R3HDM4: variants seen among roughly 807,000 people sequenced by gnomAD.
R3HDM4 encodes R3H domain containing 4.
R3HDM4 carries 30 observed loss-of-function variants against 31.3 expected under a neutral mutation model. That is an observed-to-expected ratio of 0.96 (90% confidence interval 0.72 to 1.30). The LOEUF is 1.30. R3HDM4 is among the 50% of genes most tolerant of loss of function. The probability of loss-of-function intolerance (pLI) is 0.00; values close to 1 mark genes in which losing one functional copy is unlikely to be tolerated. For missense variants in R3HDM4, 444 were observed against 366.1 expected, an observed-to-expected ratio of 1.21 and a Z score of -1.74; for synonymous variants, 196 against 156.6, an observed-to-expected ratio of 1.25 and a Z score of -1.88.
intron 7 of R3HDM4, among the ~76,000 whole-genome samples, chr19:898,212 T>A (rs2036766254): frequency 9.0e-6 from 1 of 110,906 alleles, no homozygotes. Flanking sequence ...TGAAACCCTG[T>A]CTCTACTAAA....
intron 7 of R3HDM4, among the ~76,000 whole-genome samples, chr19:898,895 G>C (rs1003264167): frequency 6.6e-6 from 1 of 152,168 alleles, no homozygotes; most frequent in African/African-American, 2.4e-5. Flanking sequence ...GCAACTCCAG[G>C]CGGGGCGGCA....
intron 1 of R3HDM4, among the ~76,000 whole-genome samples, chr19:910,610 A>G (rs1232906851): frequency 1.3e-5 from 2 of 151,452 alleles, no homozygotes; most frequent in East Asian, 1.9e-4. Flanking sequence ...CTAATATGAA[A>G]AACAAAAACA....
chr19:908,633 AT>A (rs1206259432), intron 1 of R3HDM4, among the ~76,000 whole-genome samples: 1 of 152,092 alleles, frequency 6.6e-6, no homozygotes, highest in Non-Finnish European at 1.5e-5. Flanking sequence ...AAAATAAAAA[AT>A]AAAAAAATCC....
At chr19:908,337 T>C (rs915525356) in intron 1 of R3HDM4, among the ~76,000 whole-genome samples, 1 of 151,446 alleles carries the variant, frequency 6.6e-6, no homozygotes, top group African/African-American at 2.4e-5. Flanking sequence ...CCGGGCGCAG[T>C]GGTTCACACT....
chr19:901,571 G>T, intron 2 of R3HDM4, 25 bp from the exon 3 acceptor site: 1 of 1,587,372 alleles, frequency 6.3e-7, no homozygotes. Context: ...ATGCTCTCTG[G>T]GCCGGGGTGG....
chr19:899,942 G>A lies in R3HDM4; in HGVS notation c.561+119C>T. ...ACTCAGGGCCCTGGTGCCGCTGTCT[G>A]TATCCTGCCCTGTTTCCCCTGACAC... On this transcript the variant is annotated intron_variant, in intron 5 of 7. Coordinates refer to ENST00000361574, the MANE Select transcript of R3HDM4 (RefSeq NM_138774.4). This position sits in a 1 kb window ranked among gnomAD's most constrained non-coding sequence, Gnocchi z 6.8. 9.1e-7 allele frequency: 1 copy of A among 1,103,238 alleles called. No individual in the cohort carries two copies. Among genetic ancestry groups the A allele is most frequent in the Non-Finnish European group, 1.4e-6 (1 of 738,156 alleles). 68.3% of individuals were successfully genotyped at this position (1,103,238 alleles called of 1,614,324 possible).
intron 1 of R3HDM4, 90 bp downstream of exon 1, chr19:912,997 A>ACGG: frequency 3.0e-6 from 1 of 328,428 alleles, no homozygotes; most frequent in Non-Finnish European, 4.1e-6. Flanking sequence ...AGGGAAGGGA[A>ACGG]AGGAGGGGAG....
At position 899,566 on chromosome 19, in the gene R3HDM4, TC is replaced by T; in HGVS notation, c.647+34del. 6.2e-7 allele frequency: 1 copy of T among 1,612,212 alleles called. No homozygotes were observed. The highest frequency in any genetic ancestry group is 8.5e-7 in the Non-Finnish European group (1 of 1,179,110). ...GGTGTCCGCCCACCTGGCCGCAGCC[TC>T]GGAGGGTCCGCTCGCCTGGCCGCCC... On this transcript the variant is annotated intron_variant, in intron 6 of 7. Coordinates refer to ENST00000361574, the MANE Select transcript of R3HDM4 (RefSeq NM_138774.4). The surrounding 1 kb of genome is among the most constrained non-coding windows in gnomAD (Gnocchi z 6.8).
At chr19:902,643 A>T (rs1439899058) in intron 1 of R3HDM4, 1 of 153,370 alleles carries the variant, frequency 6.5e-6, no homozygotes, top group Non-Finnish European at 1.5e-5. Flanking sequence ...TCCAAAAAAA[A>T]TAAAAAAAAT....
In R3HDM4 at chr19:902,093, G is replaced by A; in HGVS notation, c.109C>T (p.Gln37Ter). Residue 37 changes from glutamine (Q) to a stop codon, truncating the protein, a stop_gained, in exon 2 of 8, where the codon CAG (glutamine) becomes TAG (stop). Coordinates refer to ENST00000361574, the MANE Select transcript of R3HDM4 (RefSeq NM_138774.4). LOFTEE classifies it high-confidence loss of function. ...PSCLPALASS[Q>*]VKRLSASRRK... ...CTGGAAGCCGAGAGTCTCTTCACCT[G>A]GGAGCTGGCTAGGGCAGGCAGGCAG... 6.2e-7 allele frequency: 1 copy of A among 1,613,760 alleles called. No homozygotes were observed. Among genetic ancestry groups the A allele is most frequent in the Non-Finnish European group, 8.5e-7 (1 of 1,179,982 alleles).
intron 1 of R3HDM4, among the ~76,000 whole-genome samples, chr19:903,420 T>C (rs2036862190): frequency 6.7e-6 from 1 of 149,458 alleles, no homozygotes; most frequent in Non-Finnish European, 1.5e-5. Flanking sequence ...GTGGGGGGAA[T>C]AGGCAGCCGC....
Position 899,640 on chromosome 19 carries a change from A to T in R3HDM4, c.608T>A (p.Val203Glu). ...WEERLLRFFS[V>E]SPQAVYTAML... ...TGCTGTGTACACGGCCTGGGGGGAC[A>T]CGGAGAAGAACCGAAGCAGCCGCTC... is the stretch of plus-strand genomic sequence containing the variant. The change falls in exon 6 of 8, where the codon GTG becomes GAG. Residue 203 changes from valine (V) to glutamate (E), a missense_variant. Physicochemically the swap from Val to Glu is moderately radical, Grantham distance 121 (BLOSUM62 -2). Coordinates refer to ENST00000361574, the MANE Select transcript of R3HDM4 (RefSeq NM_138774.4). This position sits in a 1 kb window ranked among gnomAD's most constrained non-coding sequence, Gnocchi z 6.8. The T allele has an allele frequency of 6.2e-7, 1 of 1,606,906 alleles. No individual in the cohort carries two copies. The highest frequency in any genetic ancestry group is 1.1e-5 in the South Asian group (1 of 90,894).
In R3HDM4 at chr19:913,158, G is replaced by T. The variant is rs1462016372; in HGVS notation, c.-1C>A. ...ACTCGGGGTTCTCCAGCGCGACCAT[G>T]GCTCGCACGCTGTCGCCGCCGCCGC... is the stretch of plus-strand genomic sequence containing the variant. On this transcript the variant is annotated 5_prime_UTR_variant, in exon 1 of 8. Coordinates refer to ENST00000361574, the MANE Select transcript of R3HDM4 (RefSeq NM_138774.4). This position sits in a 1 kb window ranked among gnomAD's most constrained non-coding sequence, Gnocchi z 5.0. The T allele has an allele frequency of 1.9e-6, 2 of 1,075,162 alleles. No homozygotes were observed. Among genetic ancestry groups the T allele is most frequent in the African/African-American group, 1.7e-5 (1 of 58,928 alleles). 66.6% of individuals were successfully genotyped at this position (1,075,162 alleles called of 1,614,324 possible).
chr19:897,628 C>T, intron 7 of R3HDM4, 88 bp from the exon 8 acceptor site: 1 of 1,056,826 alleles, frequency 9.5e-7, no homozygotes. Flanking sequence ...ACCCTCGCTT[C>T]TTCCCAGGGA....
rs542160420 is a variant in R3HDM4 at position 899,951 on chromosome 19, CCT to C, written c.561+108_561+109del. 6.2e-4 allele frequency: 726 copies of C among 1,174,770 alleles called. 12 individuals are homozygous for C. In the South Asian group the frequency reaches 8.5e-3, roughly 14 times the overall value. The allele number at this position is 1,174,770 out of a possible 1,614,324, so 72.8% of individuals were successfully genotyped here. A position where few individuals can be genotyped will look rare whatever the true frequency, so the allele number is the denominator to read the frequency against. ...CCTGGTGCCGCTGTCTGTATCCTGC[CCT>C]GTTTCCCCTGACACGACCTGCACCG... On this transcript the variant is annotated intron_variant, in intron 5 of 7. Coordinates refer to ENST00000361574, the MANE Select transcript of R3HDM4 (RefSeq NM_138774.4). The surrounding 1 kb of genome is among the most constrained non-coding windows in gnomAD (Gnocchi z 6.8).
At chr19:903,538 C>G (rs2036864291) in intron 1 of R3HDM4, among the ~76,000 whole-genome samples, 1 of 152,012 alleles carries the variant, frequency 6.6e-6, no homozygotes, top group Non-Finnish European at 1.5e-5. Context: ...CCGCAGCCAC[C>G]CGGCACCTGG....
chr19:903,534 C>T (rs1363150002), intron 1 of R3HDM4, among the ~76,000 whole-genome samples: 1 of 152,002 alleles, frequency 6.6e-6, no homozygotes, highest in East Asian at 1.9e-4. Context: ...CGCACCGCAG[C>T]CACCCGGCAC....
intron 1 of R3HDM4, among the ~76,000 whole-genome samples, chr19:905,684 CA>C (rs35211343): frequency 0.034 from 2,267 of 66,298 alleles, 49 homozygotes; most frequent in African/African-American, 0.097. Flanking sequence ...GACTCTGTCT[CA>C]AAAAAAAAAA....
chr19:900,008 T>G, intron 5 of R3HDM4, 53 bp downstream of exon 5: 1 of 1,565,508 alleles, frequency 6.4e-7, no homozygotes, highest in Non-Finnish European at 8.8e-7. Flanking sequence ...GAAACGGGCC[T>G]TCAAAAAAGA....
Sources: allele counts gnomAD v4.1 joint callset (sites outside exome capture counted in the v4.1 genomes callset), GRCh38; gene constraint gnomAD v4.1.1; non-coding constraint Gnocchi (gnomAD v3.1); transcripts MANE v1.5; gene names NCBI Gene and HGNC (gene_info 2026-07-23, HGNC 2026-07-21).